The following FAM168A variants were observed in gnomAD, a reference collection of about 807,000 sequenced individuals.
The protein encoded by FAM168A is family with sequence similarity 168 member A.
Under a neutral mutation model 28.5 loss-of-function variants are expected in FAM168A, and 3 were observed. The observed-to-expected ratio is 0.11, with a 90% CI of 0.05 to 0.27. FAM168A has a LOEUF of 0.27. Among genes scored for constraint, FAM168A ranks in the 10% least tolerant of loss-of-function variants. The pLI is 1.00. For synonymous variants in FAM168A, 122 were observed against 124.2 expected (o/e 0.98, Z 0.12); for missense variants, 222 against 311.5 (o/e 0.71, Z 2.16).
rs1036253298 is a variant in FAM168A at position 73,560,447 on chromosome 11, T to C, written c.-19+37476A>G. Among the ~76,000 whole-genome samples the C allele has an allele frequency of 4.6e-5, 7 of 152,262 alleles. No homozygotes were observed. The South Asian group carries it at 1.4e-3, about 32-fold the overall frequency. ...ATGAAAAAACTAAGAAAAAAAATAC[T>C]GAGAAAAGTTTTCAATAGCTTTGTA... On this transcript the variant is annotated intron_variant, in intron 1 of 7. Coordinates refer to ENST00000356467, the MANE Select transcript of FAM168A (RefSeq NM_015159.3).
At position 73,419,972 on chromosome 11, in the gene FAM168A, G is replaced by C; in HGVS notation, c.179C>G (p.Pro60Arg). Reference sequence around the variant, plus strand: ...AGTGCCACAGGAAGACGAGTTCTGTGGCCAGGCCTGTTTCATCAGCAGAGT... The same window carrying C: ...AGTGCCACAGGAAGACGAGTTCTGTCGCCAGGCCTGTTTCATCAGCAGAGT... ...PATLLMKQAW[P>R]QNSSSCGTEG... The change falls in exon 4 of 8, where the codon CCA (proline) becomes CGA (arginine). Residue 60 changes from proline to arginine, a missense_variant. Physicochemically the swap from Pro to Arg is moderately radical, Grantham distance 103. Coordinates refer to ENST00000356467, the MANE Select transcript of FAM168A (RefSeq NM_015159.3). 1.2e-6 allele frequency: 2 copies of C among 1,613,864 alleles called. No individual in the cohort carries two copies. Among genetic ancestry groups the C allele is most frequent in the Non-Finnish European group, 1.7e-6 (2 of 1,179,846 alleles).
chr11:73,562,831 AAAG>A (rs960152424), intron 1 of FAM168A, among the ~76,000 whole-genome samples: 5 of 152,062 alleles, frequency 3.3e-5, no homozygotes, highest in Non-Finnish European at 7.4e-5. Context: ...GTCTCAAAAA[AAAG>A]AATAAAAGGT....
At chr11:73,420,099 A>C in intron 3 of FAM168A, 100 bp from the exon 4 acceptor site, 2 of 1,439,598 alleles carry the variant, frequency 1.4e-6, no homozygotes, top group Non-Finnish European at 1.9e-6. Context: ...AGAAACATAC[A>C]ACCCAAGGGG....
At chr11:73,455,705 A>C (rs1429777038) in intron 2 of FAM168A, among the ~76,000 whole-genome samples, 1 of 152,238 alleles carries the variant, frequency 6.6e-6, no homozygotes, top group African/African-American at 2.4e-5. Flanking sequence ...AACAGAGTAT[A>C]TAACAAAATT....
intron 3 of FAM168A, among the ~76,000 whole-genome samples, 157 bp from the exon 4 acceptor site, chr11:73,420,156 G>C (rs1044399926): frequency 1.3e-5 from 2 of 152,204 alleles, no homozygotes; most frequent in African/African-American, 4.8e-5. Flanking sequence ...ATGGTTGAGT[G>C]GGTTAGGAGG....
intron 2 of FAM168A, among the ~76,000 whole-genome samples, chr11:73,442,263 C>A (rs992531270): frequency 6.6e-6 from 1 of 151,760 alleles, no homozygotes; most frequent in Non-Finnish European, 1.5e-5. Context: ...GTAGCTGAGA[C>A]TACAGGCGCC....
intron 1 of FAM168A, among the ~76,000 whole-genome samples, chr11:73,570,182 A>G (rs1944069837): frequency 6.6e-6 from 1 of 152,196 alleles, no homozygotes; most frequent in Admixed American, 6.5e-5. Context: ...CTTGGGTTCT[A>G]ATCACAGCTG....
chr11:73,490,320 T>C (rs577318704), intron 1 of FAM168A, among the ~76,000 whole-genome samples: 1 of 152,306 alleles, frequency 6.6e-6, no homozygotes, highest in South Asian at 2.1e-4. Context: ...TTACTCCTTC[T>C]TTTGTCTATT....
intron 1 of FAM168A, among the ~76,000 whole-genome samples, chr11:73,489,205 C>T (rs753940018): frequency 5.9e-5 from 9 of 152,106 alleles, no homozygotes; most frequent in Non-Finnish European, 1.2e-4. Flanking sequence ...ATGTCTCCTT[C>T]CCTTCATAGC....
rs369463293 is a variant in FAM168A at position 73,405,097 on chromosome 11, T to C, written c.*1666A>G. On this transcript the variant is annotated 3_prime_UTR_variant, in exon 8 of 8. Coordinates refer to ENST00000356467, the MANE Select transcript of FAM168A (RefSeq NM_015159.3). ...ATTCTCCTCTCCTGATGACTCCCACTGTCTTCCTCCTCTTCCTCTCCTCTC... is the reference window on the plus strand; with the variant it reads ...ATTCTCCTCTCCTGATGACTCCCACCGTCTTCCTCCTCTTCCTCTCCTCTC... The C allele has an allele frequency of 1.3e-5, 2 of 152,330 alleles. No individual in the cohort carries two copies. The highest frequency in any genetic ancestry group is 3.9e-4 in the East Asian group (2 of 5,194). 9.4% of individuals were successfully genotyped at this position (152,330 alleles called of 1,614,324 possible). A position where few individuals can be genotyped will look rare whatever the true frequency, so the allele number is the denominator to read the frequency against.
At chr11:73,463,647 A>G (rs1221645523) in intron 2 of FAM168A, among the ~76,000 whole-genome samples, 1 of 152,200 alleles carries the variant, frequency 6.6e-6, no homozygotes, top group African/African-American at 2.4e-5. Flanking sequence ...CTTTTAATGG[A>G]TGAGCAGGGG....
intron 1 of FAM168A, among the ~76,000 whole-genome samples, chr11:73,539,412 G>C (rs1943625955): frequency 6.6e-6 from 1 of 152,162 alleles, no homozygotes; most frequent in East Asian, 1.9e-4. Flanking sequence ...TGGGACTATA[G>C]GTGCATGCCA....
chr11:73,515,775 G>A (rs948343860), intron 1 of FAM168A, among the ~76,000 whole-genome samples: 1 of 152,090 alleles, frequency 6.6e-6, no homozygotes, highest in African/African-American at 2.4e-5. Flanking sequence ...CAAGTATCAT[G>A]AAAGAGGTAA....
chr11:73,544,910 A>G lies in FAM168A; in HGVS notation c.-19+53013T>C. ...TAAAATATAAAATATATTATATAAT[A>G]TATATTATATATAATATAAAATATA... On this transcript the variant is annotated intron_variant, in intron 1 of 7. Coordinates refer to ENST00000356467, the MANE Select transcript of FAM168A (RefSeq NM_015159.3). Among the ~76,000 whole-genome samples, 2 of 92,422 alleles carry G rather than the reference A, an allele frequency of 2.2e-5. 1 individual carries two copies. Among genetic ancestry groups the G allele is most frequent in the Non-Finnish European group, 3.9e-5 (2 of 51,862 alleles). 60.6% of individuals were successfully genotyped at this position (92,422 alleles called of 152,430 possible). A position where few individuals can be genotyped will look rare whatever the true frequency, so the allele number is the denominator to read the frequency against.
intron 1 of FAM168A, among the ~76,000 whole-genome samples, chr11:73,477,944 GATAGAT>G (rs1030752506): frequency 3.3e-5 from 5 of 150,734 alleles, no homozygotes; most frequent in African/African-American, 1.2e-4. Context: ...TAGATAGATA[GATAGAT>G]AGATAGATAG....
intron 1 of FAM168A, among the ~76,000 whole-genome samples, chr11:73,475,849 G>T (rs548662567): frequency 6.6e-6 from 1 of 152,264 alleles, no homozygotes; most frequent in African/African-American, 2.4e-5. Flanking sequence ...ATTTGAAACT[G>T]AGCATAGAAA....
chr11:73,535,669 T>C (rs922581557), intron 1 of FAM168A, among the ~76,000 whole-genome samples: 8 of 151,728 alleles, frequency 5.3e-5, no homozygotes, highest in Non-Finnish European at 1.2e-4. Flanking sequence ...TCTGCCTGCC[T>C]TGGCCTCCCA....
intron 1 of FAM168A, among the ~76,000 whole-genome samples, chr11:73,514,664 C>A (rs1943275846): frequency 1.3e-5 from 2 of 152,050 alleles, no homozygotes; most frequent in South Asian, 4.1e-4. Flanking sequence ...AGACCCCTGT[C>A]TATACAAAAA....
chr11:73,484,571 T>G (rs1565265747), intron 1 of FAM168A, among the ~76,000 whole-genome samples: 1 of 145,568 alleles, frequency 6.9e-6, no homozygotes, highest in African/African-American at 2.5e-5. Context: ...TCTATATATC[T>G]ATATATCGAT....
Sources: gnomAD v4.1 joint callset for allele counts (sites outside exome capture counted in the v4.1 genomes callset) on GRCh38, gnomAD v4.1.1 for gene constraint, MANE v1.5 for transcripts, NCBI Gene and HGNC (gene_info 2026-07-23, HGNC 2026-07-21) for gene names.